The following UNC5CL variants were observed in gnomAD, a reference collection of about 807,000 sequenced individuals.
UNC5CL encodes the protein unc-5 family C-terminal like, also known as UNC5C-like protein.
UNC5CL carries 42 observed loss-of-function variants against 54.1 expected under a neutral mutation model. The ratio of observed to expected loss-of-function variants is 0.78; its 90% CI spans 0.61 to 1.00. UNC5CL has a LOEUF of 1.00. Among genes scored for constraint, UNC5CL ranks in the 50% least tolerant of loss-of-function variants. The pLI, the probability that UNC5CL is intolerant of heterozygous loss-of-function variation, is 0.00. For synonymous variants in UNC5CL, 285 were observed against 285.1 expected (o/e 1.00, Z 0.00); for missense variants, 619 against 675.6 (o/e 0.92, Z 0.93).
chr6:41,037,229 G>A (rs1443286653), intron 1 of UNC5CL, among the ~76,000 whole-genome samples: 1 of 152,172 alleles, frequency 6.6e-6, no homozygotes, highest in East Asian at 1.9e-4. Context: ...CCACTCAAAT[G>A]AACATTTTCT....
intron 7 of UNC5CL, 67 bp from the exon 8 acceptor site, chr6:41,030,568 G>T: frequency 1.2e-6 from 2 of 1,608,606 alleles, no homozygotes; most frequent in Non-Finnish European, 1.7e-6. Context: ...TCTCCCATAT[G>T]CACCCTAAAT....
Position 41,027,723 on chromosome 6 carries a change from A to G in UNC5CL, c.*650T>C, listed in dbSNP as rs1380955841. On this transcript the variant is annotated 3_prime_UTR_variant, in exon 9 of 9. Transcript: ENST00000244565. ...ATGCCCACTTTCGGCTCCTACCTTA[A>G]GTCCAGCCACCCTCTTCCCCTACCC... 2.0e-5 allele frequency: 3 copies of G among 152,090 alleles called. No individual in the cohort carries two copies. Among genetic ancestry groups the G allele is most frequent in the Admixed American group, 1.3e-4 (2 of 15,268 alleles). The allele number at this position is 152,090 out of a possible 1,614,324, so 9.4% of individuals were successfully genotyped here. A position where few individuals can be genotyped will look rare whatever the true frequency, so the allele number is the denominator to read the frequency against.
At position 41,033,991 on chromosome 6, in the gene UNC5CL, G is replaced by A. The variant is rs144108906; in HGVS notation, c.576C>T (p.Arg192=). The A allele has an allele frequency of 1.2e-6, 2 of 1,614,174 alleles. No individual in the cohort carries two copies. The highest frequency in any genetic ancestry group is 1.7e-6 in the Non-Finnish European group (2 of 1,180,012). The change falls in exon 3 of 9, where the codon CGC becomes CGT. Residue 192 remains arginine (R), a synonymous_variant. Transcript: ENST00000244565. ...KHCAEQPSHA[R]TYSSNTTLLD... Reference sequence around the variant, plus strand: ...GCAGGGTAGTGTTGCTGCTGTAGGTGCGAGCATGGCTGGGCTGCTCGGCAC... The same window carrying A: ...GCAGGGTAGTGTTGCTGCTGTAGGTACGAGCATGGCTGGGCTGCTCGGCAC...
At chr6:41,032,760 C>CG (rs1367202552) in intron 4 of UNC5CL, 124 bp downstream of exon 4, 15 of 1,397,130 alleles carry the variant, frequency 1.1e-5, no homozygotes, top group Non-Finnish European at 1.4e-5. Context: ...AACTCCATCT[C>CG]GGGAAAAAAA....
chr6:41,033,011 G>C lies in UNC5CL; in HGVS notation c.822C>G (p.Pro274=), dbSNP rs777512565. The C allele has an allele frequency of 5.0e-6, 8 of 1,607,806 alleles. No individual in the cohort carries two copies. In the East Asian group the frequency reaches 1.8e-4, roughly 36 times the overall value. The change falls in exon 4 of 9, where the codon CCC becomes CCG. Residue 274 remains proline (P), a synonymous_variant. Transcript: ENST00000244565. The part of the protein sequence containing the change: ...QLRIYFLNNT[P]CALQWALTNE... Reference sequence around the variant, plus strand: ...TGGTCAGTGCCCACTGCAGGGCGCAGGGCGTGTTGTTGAGGAAGTAGATAC... The same window carrying C: ...TGGTCAGTGCCCACTGCAGGGCGCACGGCGTGTTGTTGAGGAAGTAGATAC...
intron 6 of UNC5CL, among the ~76,000 whole-genome samples, chr6:41,031,011 G>T (rs925236938): frequency 6.6e-6 from 1 of 152,276 alleles, no homozygotes; most frequent in Non-Finnish European, 1.5e-5. Flanking sequence ...AGTGCAGCCT[G>T]AGCCACCAGG....
Position 41,030,405 on chromosome 6 carries a change from A to G in UNC5CL, c.1317T>C (p.Leu439=). 6.2e-7 allele frequency: 1 copy of G among 1,614,062 alleles called. No homozygotes were observed. Among genetic ancestry groups the G allele is most frequent in the East Asian group, 2.2e-5 (1 of 44,878 alleles). ...DWRRLASHLG[L]CGMKIRFLSC... ...CTTCCTACCGGATCTTCATGCCGCA[A>G]AGCCCCAGGTGGGAGGCCAGTCTGC... Residue 439 remains leucine, a synonymous_variant, in exon 8 of 9, where the codon CTT becomes CTC. Coordinates refer to ENST00000244565, the MANE Select transcript of UNC5CL (RefSeq NM_173561.3).
Position 41,028,688 on chromosome 6 carries a change from C to T in UNC5CL, c.1335-93G>A, listed in dbSNP as rs888788324. ...TCCCTGGGCTGCGCAGCGCAAGGTCCGTCCCTTCCCCATCCTGTAGCTTTT... is the reference window on the plus strand; with the variant it reads ...TCCCTGGGCTGCGCAGCGCAAGGTCTGTCCCTTCCCCATCCTGTAGCTTTT... On this transcript the variant is annotated intron_variant, in intron 8 of 8. Transcript: ENST00000244565. The surrounding 1 kb of genome is among the most constrained non-coding windows in gnomAD (Gnocchi z 4.3). 19 of 1,205,998 alleles carry T rather than the reference C, an allele frequency of 1.6e-5. No homozygotes were observed. The highest frequency in any genetic ancestry group is 2.1e-5 in the Non-Finnish European group (18 of 860,466). The allele number at this position is 1,205,998 out of a possible 1,614,324, so 74.7% of individuals were successfully genotyped here. A position where few individuals can be genotyped will look rare whatever the true frequency, so the allele number is the denominator to read the frequency against.
At chr6:41,031,790 C>T (rs762589011) in intron 5 of UNC5CL, 42 bp from the exon 6 acceptor site, 15 of 1,597,492 alleles carry the variant, frequency 9.4e-6, no homozygotes, top group East Asian at 6.7e-5. Flanking sequence ...AGTGAGGAAA[C>T]GGCCTGGGGT....
At chr6:41,037,274 T>A (rs914833415) in intron 1 of UNC5CL, among the ~76,000 whole-genome samples, 1 of 152,246 alleles carries the variant, frequency 6.6e-6, no homozygotes, top group African/African-American at 2.4e-5. Context: ...TGTGGGAAGT[T>A]CAATCCTGCC....
Position 41,027,521 on chromosome 6 carries a change from T to C in UNC5CL, c.*852A>G, listed in dbSNP as rs996124881. ...TGGGCCAGAATGATCATCTTGAAGTTTCTACTCAGCTTTAATGTTTTCTGA... is the reference window on the plus strand; with the variant it reads ...TGGGCCAGAATGATCATCTTGAAGTCTCTACTCAGCTTTAATGTTTTCTGA... On this transcript the variant is annotated 3_prime_UTR_variant, in exon 9 of 9. Coordinates refer to ENST00000244565, the MANE Select transcript of UNC5CL (RefSeq NM_173561.3). 23 of 152,352 alleles carry C rather than the reference T, an allele frequency of 1.5e-4. No homozygotes were observed. The highest frequency in any genetic ancestry group is 5.5e-4 in the African/African-American group (23 of 41,562). The allele number at this position is 152,352 out of a possible 1,614,324, so 9.4% of individuals were successfully genotyped here.
Position 41,028,561 on chromosome 6 carries a change from T to G in UNC5CL, c.1369A>C (p.Ile457Leu). 1 of 1,613,666 alleles carries G rather than the reference T, an allele frequency of 6.2e-7. No homozygotes were observed. Among genetic ancestry groups the G allele is most frequent in the Non-Finnish European group, 8.5e-7 (1 of 1,179,970 alleles). ...TTCTGCTCCTCAAACAACTCCAGGA[T>G]GGCCGCTGCGGGGCTGCGCTGGCAG... ...LSCQRSPAAAILELFEEQNGS... is the reference protein window; with the variant it reads ...LSCQRSPAAALLELFEEQNGS... The change falls in exon 9 of 9, where the codon ATC (isoleucine) becomes CTC (leucine). Residue 457 changes from isoleucine (I) to leucine (L), a missense_variant. Physicochemically the swap from Ile to Leu is conservative, Grantham distance 5. Coordinates refer to ENST00000244565, the MANE Select transcript of UNC5CL (RefSeq NM_173561.3). This position sits in a 1 kb window ranked among gnomAD's most constrained non-coding sequence, Gnocchi z 4.3.
chr6:41,030,598 T>C, intron 7 of UNC5CL, 57 bp downstream of exon 7: 1 of 1,608,296 alleles, frequency 6.2e-7, no homozygotes, highest in South Asian at 1.1e-5. Context: ...ACCCTGTGGG[T>C]GCCAGGGTAG....
chr6:41,032,101 A>T lies in UNC5CL; in HGVS notation c.986T>A (p.Val329Asp), dbSNP rs1462358839. 1.9e-6 allele frequency: 3 copies of T among 1,613,338 alleles called. No individual in the cohort carries two copies. Among genetic ancestry groups the T allele is most frequent in the Non-Finnish European group, 2.5e-6 (3 of 1,179,542 alleles). The change falls in exon 5 of 9, where the codon GTT (valine) becomes GAT (aspartate). Residue 329 changes from valine (V) to aspartate (D), a missense_variant. Transcript: ENST00000244565. ...TCCATGCCAGATGTGGAGATGGGGA[A>T]CCAGCTGGCAACTGCTGTCATCCAC... Reference protein sequence around the residue: ...ENVDDSSCQLVPHLHIWHGKC... With the variant: ...ENVDDSSCQLDPHLHIWHGKC...
chr6:41,030,524 C>A (rs1366247444), intron 7 of UNC5CL, 23 bp from the exon 8 acceptor site: 2 of 1,613,722 alleles, frequency 1.2e-6, no homozygotes, highest in East Asian at 4.5e-5. Context: ...AAAGGGTGTT[C>A]TTGGAAGAAA....
intron 1 of UNC5CL, among the ~76,000 whole-genome samples, chr6:41,037,337 T>C (rs1257550597): frequency 6.6e-6 from 1 of 152,228 alleles, no homozygotes; most frequent in Non-Finnish European, 1.5e-5. Context: ...ATGGAATTCA[T>C]TGGCTTGGTA....
chr6:41,030,448 A>G lies in UNC5CL; in HGVS notation c.1274T>C (p.Ile425Thr). The change falls in exon 8 of 9, where the codon ATC becomes ACC. Residue 425 changes from isoleucine (I) to threonine (T), a missense_variant. Transcript: ENST00000244565. ...CAGTCTGCGCCAGTCATTGCCGGTG[A>G]TGCTGTTTGGCTCCAATAACATCCG... ...QLRMLLEPNS[I>T]TGNDWRRLAS... is the part of the protein sequence containing the mutation. 1 of 1,614,190 alleles carries G rather than the reference A, an allele frequency of 6.2e-7. No individual in the cohort carries two copies. Among genetic ancestry groups the G allele is most frequent in the East Asian group, 2.2e-5 (1 of 44,880 alleles).
In UNC5CL at chr6:41,034,685, G is replaced by C. The variant is rs751325050; in HGVS notation, c.385+5C>G. 1.9e-5 allele frequency: 30 copies of C among 1,599,860 alleles called. No homozygotes were observed. The East Asian group carries it at 6.5e-4, about 34-fold the overall frequency. On this transcript the variant is annotated splice_donor_5th_base_variant and intron_variant, in intron 2 of 8. Coordinates refer to ENST00000244565, the MANE Select transcript of UNC5CL (RefSeq NM_173561.3). ...TATGCGGAGATGAGAGCCAGGAGCT[G>C]TTACCTGGTGGGATGAGCAAGGAGA...
Position 41,034,852 on chromosome 6 carries a change from C to CT in UNC5CL, c.222dup (p.Glu75ArgfsTer146). 1 of 1,614,246 alleles carries CT rather than the reference C, an allele frequency of 6.2e-7. No homozygotes were observed. Among genetic ancestry groups the CT allele is most frequent in the Non-Finnish European group, 8.5e-7 (1 of 1,180,040 alleles). On this transcript the variant is annotated frameshift_variant, in exon 2 of 9. Transcript: ENST00000244565. LOFTEE classifies it high-confidence loss of function. Reference sequence around the variant, plus strand: ...AGCTCCTGGTAGAAGGCAACCATCTCTGGCAGTGTGGCTGGCAGGTGCTGC... The same window carrying CT: ...AGCTCCTGGTAGAAGGCAACCATCTCTTGGCAGTGTGGCTGGCAGGTGCTGC...
Sources: allele counts gnomAD v4.1 joint callset (sites outside exome capture counted in the v4.1 genomes callset), GRCh38; gene constraint gnomAD v4.1.1; non-coding constraint Gnocchi (gnomAD v3.1); transcripts MANE v1.5; gene names NCBI Gene and HGNC (gene_info 2026-07-23, HGNC 2026-07-21).